PTPRD: variants seen among roughly 807,000 people sequenced by gnomAD.
PTPRD encodes protein tyrosine phosphatase receptor type D.
In PTPRD, 34 loss-of-function variants were observed where a neutral mutation model predicts 214.5. The observed-to-expected ratio is 0.16, with a 90% CI of 0.12 to 0.21. The LOEUF (loss-of-function observed/expected upper bound fraction) is 0.21. Among genes scored for constraint, PTPRD ranks in the 10% least tolerant of loss-of-function variants. The pLI is 1.00. For synonymous variants in PTPRD, 1,128 were observed against 845.7 expected (o/e 1.33, Z -5.79); for missense variants, 2,545 against 2,398.7 (o/e 1.06, Z -1.27).
intron 38 of PTPRD, 72 bp from the exon 39 acceptor site, chr9:8,376,162 A>G: frequency 6.5e-7 from 1 of 1,547,152 alleles, no homozygotes; most frequent in Non-Finnish European, 8.8e-7. Context: ...AACAGGGAAG[A>G]GGTAATGCTA....
intron 11 of PTPRD, among the ~76,000 whole-genome samples, chr9:8,830,793 A>G (rs1284206832): frequency 6.6e-6 from 1 of 152,138 alleles, no homozygotes; most frequent in East Asian, 1.9e-4. Context: ...GGGAAAGGGC[A>G]TACGTGATGG....
chr9:10,468,123 C>A (rs907934410), intron 2 of PTPRD, among the ~76,000 whole-genome samples: 9 of 152,128 alleles, frequency 5.9e-5, no homozygotes, highest in Admixed American at 2.0e-4. Context: ...ACCAGAAATA[C>A]CATTTGACCC....
chr9:9,477,640 G>T (rs1232365391), intron 8 of PTPRD, among the ~76,000 whole-genome samples: 1 of 152,138 alleles, frequency 6.6e-6, no homozygotes, highest in African/African-American at 2.4e-5. Context: ...TTAAGTAAAA[G>T]AACTGATATC....
At chr9:9,908,079 CAA>C (rs147778757) in intron 5 of PTPRD, among the ~76,000 whole-genome samples, 303 of 149,416 alleles carry the variant, frequency 2.0e-3, no homozygotes, top group African/African-American at 7.1e-3. Context: ...AACATTAAGA[CAA>C]AAAAAAAAAT....
intron 37 of PTPRD, among the ~76,000 whole-genome samples, chr9:8,383,705 G>T (rs551272249): frequency 6.6e-6 from 1 of 152,244 alleles, no homozygotes; most frequent in Non-Finnish European, 1.5e-5. Context: ...TGACTGATTT[G>T]TTAAGTGTCA....
At chr9:9,777,788 T>G (rs1367844255) in intron 5 of PTPRD, among the ~76,000 whole-genome samples, 1 of 152,224 alleles carries the variant, frequency 6.6e-6, no homozygotes, top group Non-Finnish European at 1.5e-5. Flanking sequence ...GTTTTTTTTG[T>G]AAAATGCATT....
intron 3 of PTPRD, among the ~76,000 whole-genome samples, chr9:10,253,208 G>C (rs901890522): frequency 6.6e-6 from 1 of 152,166 alleles, no homozygotes; most frequent in African/African-American, 2.4e-5. Flanking sequence ...TCACTACTCT[G>C]ATGTCTGGCA....
At chr9:9,529,224 G>C (rs894989378) in intron 8 of PTPRD, among the ~76,000 whole-genome samples, 2 of 149,372 alleles carry the variant, frequency 1.3e-5, no homozygotes, top group African/African-American at 4.9e-5. Flanking sequence ...GAGCCACCAC[G>C]CCCACCGAAT....
At chr9:10,402,218 C>A (rs569319109) in intron 2 of PTPRD, among the ~76,000 whole-genome samples, 1 of 151,776 alleles carries the variant, frequency 6.6e-6, no homozygotes, top group Admixed American at 6.6e-5. Flanking sequence ...GTCTTATGAA[C>A]ATGCCCATGC....
At chr9:8,927,607 T>A (rs562315371) in intron 11 of PTPRD, among the ~76,000 whole-genome samples, 12 of 152,332 alleles carry the variant, frequency 7.9e-5, no homozygotes, top group African/African-American at 2.9e-4. Context: ...CAGTCTATCA[T>A]TGATGGGCAC....
At chr9:8,937,798 C>T (rs1306035471) in intron 11 of PTPRD, among the ~76,000 whole-genome samples, 2 of 152,124 alleles carry the variant, frequency 1.3e-5, no homozygotes, top group East Asian at 3.9e-4. Flanking sequence ...TTTTAGAACA[C>T]TCAGAGAGGA....
chr9:8,725,107 A>C (rs2098543403), intron 12 of PTPRD, among the ~76,000 whole-genome samples: 1 of 152,206 alleles, frequency 6.6e-6, no homozygotes, highest in Admixed American at 6.5e-5. Flanking sequence ...TGAAAGCTAC[A>C]TGGAAAATTC....
rs77992655 is a variant in PTPRD at position 8,825,354 on chromosome 9, C to G, written c.-103-91408G>C. On this transcript the variant is annotated intron_variant, in intron 11 of 45. Transcript: ENST00000381196. ...AATAACCAATTTTTAAAATTGTGTC[C>G]TGTGACAAAAGAAAACAGATGTTTA... Among the ~76,000 whole-genome samples, 272 of 152,186 alleles carry G rather than the reference C, an allele frequency of 1.8e-3. 2 individuals are homozygous for G. The highest frequency in any genetic ancestry group is 6.4e-3 in the African/African-American group (266 of 41,524).
At chr9:10,471,037 A>G (rs931258496) in intron 2 of PTPRD, among the ~76,000 whole-genome samples, 2 of 152,106 alleles carry the variant, frequency 1.3e-5, no homozygotes, top group African/African-American at 4.8e-5. Context: ...TCAGCAAACT[A>G]ACACAGGAAA....
At chr9:9,156,790 C>A (rs2099881546) in intron 10 of PTPRD, among the ~76,000 whole-genome samples, 1 of 152,142 alleles carries the variant, frequency 6.6e-6, no homozygotes, top group Non-Finnish European at 1.5e-5. Flanking sequence ...AGGGAAGAAA[C>A]CACAGGAAAA....
chr9:8,498,430 G>T (rs567293118), intron 25 of PTPRD, among the ~76,000 whole-genome samples: 1 of 151,832 alleles, frequency 6.6e-6, no homozygotes, highest in Non-Finnish European at 1.5e-5. Flanking sequence ...GGCGTGTGCC[G>T]CCACGCCTGG....
chr9:9,481,652 T>G (rs763398252), intron 8 of PTPRD, among the ~76,000 whole-genome samples: 42 of 152,118 alleles, frequency 2.8e-4, no homozygotes, highest in Non-Finnish European at 5.0e-4. Context: ...TGGTAGTATT[T>G]TTTTTAATGA....
chr9:8,932,071 G>T (rs184686380), intron 11 of PTPRD, among the ~76,000 whole-genome samples: 2 of 152,070 alleles, frequency 1.3e-5, no homozygotes, highest in Non-Finnish European at 2.9e-5. Context: ...TTAGTAGTCT[G>T]GCTAGTGGTC....
At chr9:8,411,508 T>C (rs923406815) in intron 35 of PTPRD, among the ~76,000 whole-genome samples, 1 of 152,188 alleles carries the variant, frequency 6.6e-6, no homozygotes, top group African/African-American at 2.4e-5. Context: ...TTCGCCATGT[T>C]GGCCAGGCTA....
Sources: allele counts gnomAD v4.1 joint callset (sites outside exome capture counted in the v4.1 genomes callset), GRCh38; gene constraint gnomAD v4.1.1; transcripts MANE v1.5; gene names NCBI Gene and HGNC (gene_info 2026-07-23, HGNC 2026-07-21).